CNTNAP4: variants seen among roughly 807,000 people sequenced by gnomAD.
CNTNAP4 encodes the protein contactin-associated protein-like 4.
In CNTNAP4, 98 loss-of-function variants were observed where a neutral mutation model predicts 148.4. The ratio of observed to expected loss-of-function variants is 0.66; its 90% CI spans 0.56 to 0.78. The LOEUF (loss-of-function observed/expected upper bound fraction) is 0.78, where lower values mean the gene tolerates loss of function less well. Ranked by LOEUF, CNTNAP4 falls within the 30% of genes least tolerant of loss-of-function variation. CNTNAP4 has a pLI of 0.00. For missense variants in CNTNAP4, 1,935 were observed against 1,565.6 expected, an observed-to-expected ratio of 1.24 and a Z score of -3.98; for synonymous variants, 730 against 565.1, an observed-to-expected ratio of 1.29 and a Z score of -4.14.
chr16:76,284,237 G>T (rs1958796552), intron 1 of CNTNAP4, among the ~76,000 whole-genome samples: 1 of 151,944 alleles, frequency 6.6e-6, no homozygotes, highest in East Asian at 1.9e-4. Flanking sequence ...CCTATGTTGT[G>T]GGTGGTGGTG....
chr16:76,336,921 A>T (rs533808373), intron 2 of CNTNAP4, among the ~76,000 whole-genome samples: 250 of 152,284 alleles, frequency 1.6e-3, no homozygotes, highest in African/African-American at 5.8e-3. Flanking sequence ...CATGAATTAA[A>T]TTTTTTTATT....
chr16:76,295,941 C>T (rs1959245394), intron 1 of CNTNAP4, among the ~76,000 whole-genome samples: 1 of 152,148 alleles, frequency 6.6e-6, no homozygotes, highest in Non-Finnish European at 1.5e-5. Flanking sequence ...CCTCAGCCTC[C>T]CAAGTAGACT....
chr16:76,403,175 C>T (rs543762578), intron 3 of CNTNAP4, among the ~76,000 whole-genome samples: 3 of 151,708 alleles, frequency 2.0e-5, no homozygotes, highest in Non-Finnish European at 4.4e-5. Flanking sequence ...TCACTGCAAG[C>T]TCCACCTTCC....
intron 15 of CNTNAP4, among the ~76,000 whole-genome samples, chr16:76,516,009 G>T (rs2083233825): frequency 6.6e-6 from 1 of 152,098 alleles, no homozygotes; most frequent in East Asian, 1.9e-4. Context: ...TGTGCCACAG[G>T]CGTTGGCTGC....
chr16:76,418,667 T>G (rs1410394738), intron 3 of CNTNAP4, among the ~76,000 whole-genome samples: 1 of 151,920 alleles, frequency 6.6e-6, no homozygotes, highest in Non-Finnish European at 1.5e-5. Flanking sequence ...TGTCTGATTT[T>G]CAACATCTGT....
intron 8 of CNTNAP4, among the ~76,000 whole-genome samples, chr16:76,460,843 A>G (rs977920116): frequency 1.4e-5 from 2 of 145,158 alleles, no homozygotes; most frequent in African/African-American, 2.5e-5. Flanking sequence ...ATTGTTTACT[A>G]TAGTTATGTT....
chr16:76,371,540 C>A (rs1449319114), intron 3 of CNTNAP4, among the ~76,000 whole-genome samples: 1 of 152,170 alleles, frequency 6.6e-6, no homozygotes, highest in African/African-American at 2.4e-5. Flanking sequence ...CCACGTCAGC[C>A]TCCCAAAATG....
chr16:76,460,796 T>TATATATATATATATA (rs2080930915), intron 8 of CNTNAP4, among the ~76,000 whole-genome samples: 1 of 106,402 alleles, frequency 9.4e-6, no homozygotes, highest in Non-Finnish European at 1.9e-5. Flanking sequence ...ATATATATAT[T>TATATATATATATATA]TAGAATTGTA....
chr16:76,441,332 A>G (rs1365062211), intron 4 of CNTNAP4, among the ~76,000 whole-genome samples: 2 of 152,170 alleles, frequency 1.3e-5, no homozygotes, highest in African/African-American at 4.8e-5. Context: ...AGAATACTAC[A>G]TCTGACACAA....
At chr16:76,398,395 A>C (rs1460211283) in intron 3 of CNTNAP4, among the ~76,000 whole-genome samples, 1 of 152,114 alleles carries the variant, frequency 6.6e-6, no homozygotes, top group African/African-American at 2.4e-5. Flanking sequence ...AGAATCATCC[A>C]AAGGCTTGTT....
chr16:76,443,589 C>CA (rs893027745), intron 4 of CNTNAP4, among the ~76,000 whole-genome samples: 6 of 150,550 alleles, frequency 4.0e-5, no homozygotes, highest in Non-Finnish European at 7.4e-5. Context: ...AGACCCTGTC[C>CA]AAAAAAAATA....
intron 3 of CNTNAP4, among the ~76,000 whole-genome samples, chr16:76,374,281 T>G (rs986369519): frequency 1.3e-5 from 2 of 152,184 alleles, no homozygotes; most frequent in Admixed American, 6.5e-5. Flanking sequence ...CTAGAGAATA[T>G]CAGTTTCAGA....
chr16:76,463,906 T>TA (rs1403450867), intron 9 of CNTNAP4, among the ~76,000 whole-genome samples: 4 of 152,230 alleles, frequency 2.6e-5, no homozygotes, highest in East Asian at 3.9e-4. Flanking sequence ...AGGGCTTTCT[T>TA]AAAAAAAATT....
intron 12 of CNTNAP4, among the ~76,000 whole-genome samples, chr16:76,488,067 C>T (rs1380177262): frequency 6.6e-6 from 1 of 152,136 alleles, no homozygotes; most frequent in Non-Finnish European, 1.5e-5. Context: ...CAGAGTCCAA[C>T]AGTGGCTAGG....
At chr16:76,291,975 G>A (rs1478770612) in intron 1 of CNTNAP4, among the ~76,000 whole-genome samples, 4 of 152,090 alleles carry the variant, frequency 2.6e-5, no homozygotes, top group Non-Finnish European at 5.9e-5. Flanking sequence ...TCTTTTCAAA[G>A]GTTTCACAGT....
chr16:76,410,494 G>A (rs2078755723), intron 3 of CNTNAP4, among the ~76,000 whole-genome samples: 2 of 151,628 alleles, frequency 1.3e-5, no homozygotes, highest in South Asian at 4.2e-4. Flanking sequence ...TGTTTCAAAA[G>A]GTAATGCAAG....
intron 3 of CNTNAP4, among the ~76,000 whole-genome samples, chr16:76,365,388 T>A (rs1270291607): frequency 6.6e-6 from 1 of 152,314 alleles, no homozygotes; most frequent in South Asian, 2.1e-4. Context: ...AAATTTAAAG[T>A]ATTTTTTGCT....
chr16:76,373,701 T>G (rs773739342), intron 3 of CNTNAP4, among the ~76,000 whole-genome samples: 2 of 151,620 alleles, frequency 1.3e-5, no homozygotes, highest in Non-Finnish European at 2.9e-5. Context: ...TCAAGACCAG[T>G]CTGGCCAACA....
Position 76,316,494 on chromosome 16 carries a change from C to T in CNTNAP4, c.167C>T (p.Pro56Leu). 6.2e-7 allele frequency: 1 copy of T among 1,613,730 alleles called. No homozygotes were observed. The highest frequency in any genetic ancestry group is 8.5e-7 in the Non-Finnish European group (1 of 1,179,702). ...SSSELSSSHG[P>L]GFARLNRRDG... ...TCCGAGCTCTCCAGCAGTCATGGTC[C>T]TGGATTTGCAAGGCTGAATAGAAGA... The change falls in exon 2 of 24, where the codon CCT (proline) becomes CTT (leucine). Residue 56 changes from proline (P) to leucine (L), a missense_variant. Transcript: ENST00000611870.
Sources: gnomAD v4.1 joint callset for allele counts (sites outside exome capture counted in the v4.1 genomes callset) on GRCh38, gnomAD v4.1.1 for gene constraint, MANE v1.5 for transcripts, NCBI Gene and HGNC (gene_info 2026-07-23, HGNC 2026-07-21) for gene names.